Variants in SHROOM3 observed in about 807,000 individuals in gnomAD.
The protein encoded by SHROOM3 is protein Shroom3.
Under a neutral mutation model 138.6 loss-of-function variants are expected in SHROOM3, and 47 were observed. The ratio of observed to expected loss-of-function variants is 0.34; its 90% CI spans 0.27 to 0.43. The LOEUF is 0.43. Among genes scored for constraint, SHROOM3 ranks in the 20% least tolerant of loss-of-function variants. The pLI is 1.00. For missense variants in SHROOM3, 2,491 were observed against 2,596.5 expected (o/e 0.96, Z 0.88); for synonymous variants, 1,062 against 1,063.3 (o/e 1.00, Z 0.02).
chr4:76,450,577 T>C (rs1730906472), intron 1 of SHROOM3, among the ~76,000 whole-genome samples: 1 of 152,216 alleles, frequency 6.6e-6, no homozygotes, highest in South Asian at 2.1e-4. Flanking sequence ...ACAACATGTA[T>C]GAACTTTGAA....
At chr4:76,666,005 C>G (rs1234009759) in intron 2 of SHROOM3, among the ~76,000 whole-genome samples, 3 of 152,148 alleles carry the variant, frequency 2.0e-5, no homozygotes, top group Admixed American at 2.0e-4. Context: ...GACGTTCCAG[C>G]TGAACACTTT....
At chr4:76,602,388 A>G (rs1734524458) in intron 2 of SHROOM3, among the ~76,000 whole-genome samples, 1 of 152,196 alleles carries the variant, frequency 6.6e-6, no homozygotes, top group Non-Finnish European at 1.5e-5. Flanking sequence ...TATAAAGTTA[A>G]GTCCACATTT....
intron 4 of SHROOM3, among the ~76,000 whole-genome samples, chr4:76,735,506 T>C (rs1185851928): frequency 6.6e-6 from 1 of 152,070 alleles, no homozygotes; most frequent in Non-Finnish European, 1.5e-5. Context: ...TAGAGATATG[T>C]GTAACAGGGA....
rs1722682931 is a variant in SHROOM3, at chr4:76,779,695, T to C, written c.*518T>C. ...GAAAAGATCACTATGTTTGTTGTGC[T>C]AACCACTTATTTGATTCTGTTTTGT... is the stretch of plus-strand genomic sequence containing the variant. On this transcript the variant is annotated 3_prime_UTR_variant, in exon 11 of 11. Transcript: ENST00000296043. 6.5e-6 allele frequency: 1 copy of C among 154,612 alleles called. No individual in the cohort carries two copies. Among genetic ancestry groups the C allele is most frequent in the African/African-American group, 2.4e-5 (1 of 41,474 alleles). The allele number at this position is 154,612 out of a possible 1,614,324, so 9.6% of individuals were successfully genotyped here.
Position 76,782,373 on chromosome 4 carries a change from C to A in SHROOM3, c.*3196C>A, listed in dbSNP as rs963260873. 6.6e-6 allele frequency: 1 copy of A among 152,202 alleles called. No individual in the cohort carries two copies. The highest frequency in any genetic ancestry group is 2.4e-5 in the African/African-American group (1 of 41,436). The allele number at this position is 152,202 out of a possible 1,614,324, so 9.4% of individuals were successfully genotyped here. A position where few individuals can be genotyped will look rare whatever the true frequency, so the allele number is the denominator to read the frequency against. On this transcript the variant is annotated 3_prime_UTR_variant, in exon 11 of 11. Coordinates refer to ENST00000296043, the MANE Select transcript of SHROOM3 (RefSeq NM_020859.4). ...TTTAAGGTGAGGAGTGTGGGCTTAA[C>A]TGAGGTCCTTTGAGGGAGCTATAAA...
chr4:76,567,566 C>T (rs549460813), intron 2 of SHROOM3, among the ~76,000 whole-genome samples: 3 of 152,224 alleles, frequency 2.0e-5, no homozygotes, highest in East Asian at 3.9e-4. Flanking sequence ...AGGAGAATGG[C>T]GTGAACCCGG....
At chr4:76,521,503 G>A (rs990602180) in intron 1 of SHROOM3, among the ~76,000 whole-genome samples, 55 of 152,318 alleles carry the variant, frequency 3.6e-4, no homozygotes, top group African/African-American at 1.3e-3. Context: ...GTTCTATACA[G>A]TCATCCTGAT....
chr4:76,720,665 T>A (rs554141195), intron 3 of SHROOM3, among the ~76,000 whole-genome samples: 34 of 150,170 alleles, frequency 2.3e-4, no homozygotes, highest in African/African-American at 7.8e-4. Context: ...CAGGCTGGAG[T>A]GCAGTGGTGC....
intron 10 of SHROOM3, among the ~76,000 whole-genome samples, chr4:76,772,768 C>T (rs1722407817): frequency 6.6e-6 from 1 of 152,176 alleles, no homozygotes; most frequent in South Asian, 2.1e-4. Flanking sequence ...GCCCTGCTCT[C>T]CAGGAACTCA....
intron 2 of SHROOM3, among the ~76,000 whole-genome samples, chr4:76,684,878 A>G (rs1342336670): frequency 2.0e-5 from 3 of 152,230 alleles, no homozygotes; most frequent in African/African-American, 7.2e-5. Context: ...CATGAAATAG[A>G]TCATTTCTAA....
At chr4:76,457,527 C>G (rs558777779) in intron 1 of SHROOM3, among the ~76,000 whole-genome samples, 1 of 150,776 alleles carries the variant, frequency 6.6e-6, no homozygotes, top group South Asian at 2.1e-4. Flanking sequence ...GAGTCTCGCT[C>G]TGTCTCCAGG....
chr4:76,480,763 C>A (rs762164201), intron 1 of SHROOM3, among the ~76,000 whole-genome samples: 1 of 152,072 alleles, frequency 6.6e-6, no homozygotes, highest in South Asian at 2.1e-4. Flanking sequence ...TGCAAAAGAA[C>A]GGAAATCATA....
intron 2 of SHROOM3, among the ~76,000 whole-genome samples, chr4:76,644,960 C>G (rs59052714): frequency 0.072 from 10,926 of 152,206 alleles, 507 homozygotes; most frequent in East Asian, 0.14. Flanking sequence ...TATGAGCCAG[C>G]AACTATTCCT....
At chr4:76,471,163 T>G (rs2109981992) in intron 1 of SHROOM3, among the ~76,000 whole-genome samples, 2 of 152,184 alleles carry the variant, frequency 1.3e-5, no homozygotes, top group South Asian at 4.2e-4. Context: ...ACCCTTTGTC[T>G]GAAAATGTAT....
intron 1 of SHROOM3, among the ~76,000 whole-genome samples, chr4:76,480,548 A>AACAC (rs1731586814): frequency 6.6e-6 from 1 of 152,198 alleles, no homozygotes; most frequent in African/African-American, 2.4e-5. Context: ...GGGAGACTTT[A>AACAC]ACACCCCACT....
chr4:76,496,260 T>C (rs373178384), intron 1 of SHROOM3, among the ~76,000 whole-genome samples: 1 of 152,190 alleles, frequency 6.6e-6, no homozygotes, highest in Non-Finnish European at 1.5e-5. Context: ...GGCCATCCTC[T>C]TGGACACTGC....
At chr4:76,528,765 G>A (rs1475177760) in intron 1 of SHROOM3, among the ~76,000 whole-genome samples, 6 of 152,090 alleles carry the variant, frequency 3.9e-5, no homozygotes, top group Non-Finnish European at 4.4e-5. Flanking sequence ...TGTTGGCCAG[G>A]TTCATCTTGA....
At chr4:76,441,973 C>T (rs771310128) in intron 1 of SHROOM3, among the ~76,000 whole-genome samples, 15 of 152,192 alleles carry the variant, frequency 9.9e-5, no homozygotes, top group Non-Finnish European at 2.1e-4. Context: ...GTACCTACCT[C>T]GGCCTCCCAA....
At chr4:76,709,022 A>G (rs1720149054) in intron 2 of SHROOM3, among the ~76,000 whole-genome samples, 1 of 152,232 alleles carries the variant, frequency 6.6e-6, no homozygotes, top group African/African-American at 2.4e-5. Flanking sequence ...TTAGAAATGG[A>G]AACTCCCTGT....
Sources: allele counts gnomAD v4.1 joint callset (sites outside exome capture counted in the v4.1 genomes callset), GRCh38; gene constraint gnomAD v4.1.1; transcripts MANE v1.5; gene names NCBI Gene and HGNC (gene_info 2026-07-23, HGNC 2026-07-21).